The following ACTR8 variants were observed in gnomAD, a reference collection of about 807,000 sequenced individuals.
The protein encoded by ACTR8 is actin-related protein 8.
Under a neutral mutation model 84.3 loss-of-function variants are expected in ACTR8, and 70 were observed. That is an observed-to-expected ratio of 0.83 (90% confidence interval 0.68 to 1.01). The LOEUF is 1.01. Ranked by LOEUF, ACTR8 falls within the 50% of genes least tolerant of loss-of-function variation. ACTR8 has a pLI of 0.00. For missense variants in ACTR8, 672 were observed against 775.4 expected (o/e 0.87, Z 1.58); for synonymous variants, 268 against 275.2 (o/e 0.97, Z 0.26).
In ACTR8 at chr3:53,880,126, T is replaced by C. The variant is rs369087338; in HGVS notation, c.124-17A>G. On this transcript the variant is annotated splice_polypyrimidine_tract_variant and intron_variant, in intron 1 of 12. Transcript: ENST00000335754. ...CTGGATTTGCTGCAGATATAAAACA[T>C]AGATGTGTGACTTTGTAAATAATAT... is the stretch of plus-strand genomic sequence containing the variant. 56 of 1,606,386 alleles carry C rather than the reference T, an allele frequency of 3.5e-5. No homozygotes were observed. Among genetic ancestry groups the C allele is most frequent in the Non-Finnish European group, 4.4e-5 (52 of 1,173,856 alleles).
chr3:53,874,285 C>G lies in ACTR8; in HGVS notation c.991G>C (p.Glu331Gln). 6.2e-7 allele frequency: 1 copy of G among 1,614,148 alleles called. No homozygotes were observed. The highest frequency in any genetic ancestry group is 1.1e-5 in the South Asian group (1 of 91,082). ...TCCATTTTATTTGTTAACTGGCATT[C>G]TCTGTAAGGGAACCCAGCTCGCTGC... Reference protein sequence around the residue: ...LMQRAGFPYRECQLTNKMDCL... With the variant: ...LMQRAGFPYRQCQLTNKMDCL... The change falls in exon 8 of 13, where the codon GAA (glutamate) becomes CAA (glutamine). Residue 331 changes from glutamate to glutamine, a missense_variant. Glu to Gln is a conservative substitution (Grantham distance 29, BLOSUM62 2). Coordinates refer to ENST00000335754, the MANE Select transcript of ACTR8 (RefSeq NM_022899.5).
At chr3:53,878,941 G>A (rs1440613792) in intron 2 of ACTR8, among the ~76,000 whole-genome samples, 3 of 152,178 alleles carry the variant, frequency 2.0e-5, no homozygotes, top group African/African-American at 4.8e-5. Flanking sequence ...ATTTCTCACA[G>A]CACTAATCAA....
rs563160137 is a variant in ACTR8, at chr3:53,868,697, G to C, written c.*22C>G. 1 of 1,610,360 alleles carries C rather than the reference G, an allele frequency of 6.2e-7. No homozygotes were observed. Among genetic ancestry groups the C allele is most frequent in the African/African-American group, 1.3e-5 (1 of 74,750 alleles). The stretch of plus-strand genomic sequence containing the variant: ...ACCAAGAAGCTTGTTTTTGGTCTTC[G>C]GCAGTGACATTTCCTCCCCATTCAC... On this transcript the variant is annotated 3_prime_UTR_variant, in exon 13 of 13. Transcript: ENST00000335754.
rs1699811333 is a variant in ACTR8, at chr3:53,867,535, T to A, written c.*1184A>T. On this transcript the variant is annotated 3_prime_UTR_variant, in exon 13 of 13. Coordinates refer to ENST00000335754, the MANE Select transcript of ACTR8 (RefSeq NM_022899.5). ...TCCACATCCAGAGTTCTTTCTATATTCCCTTCTGATTTCCATCACTTATCT... is the reference window on the plus strand; with the variant it reads ...TCCACATCCAGAGTTCTTTCTATATACCCTTCTGATTTCCATCACTTATCT... The A allele has an allele frequency of 6.6e-6, 1 of 152,152 alleles. No individual in the cohort carries two copies. The highest frequency in any genetic ancestry group is 1.5e-5 in the Non-Finnish European group (1 of 68,048). 9.4% of individuals were successfully genotyped at this position (152,152 alleles called of 1,614,324 possible). A position where few individuals can be genotyped will look rare whatever the true frequency, so the allele number is the denominator to read the frequency against.
chr3:53,877,541 G>A (rs954795726), intron 4 of ACTR8, 106 bp downstream of exon 4: 2 of 1,342,292 alleles, frequency 1.5e-6, no homozygotes, highest in Non-Finnish European at 2.1e-6. Flanking sequence ...TCAAAGCAGG[G>A]TTATAGAACG....
At chr3:53,865,068 C>A (rs747392178), downstream of ACTR8, 1 of 1,614,006 alleles carries the variant, frequency 6.2e-7, no homozygotes, top group Admixed American at 1.7e-5. Context: ...AAGACCTCTT[C>A]CCCCTTGCCT....
intron 7 of ACTR8, 148 bp from the exon 8 acceptor site, chr3:53,874,512 G>A: frequency 1.3e-6 from 1 of 752,242 alleles, no homozygotes; most frequent in South Asian, 2.3e-5. Flanking sequence ...ATCACTTGAG[G>A]CCAGGAGTTC....
Position 53,870,107 on chromosome 3 carries a change from G to T in ACTR8, c.1606C>A (p.Leu536Ile). The T allele has an allele frequency of 6.2e-7, 1 of 1,614,150 alleles. No homozygotes were observed. The highest frequency in any genetic ancestry group is 8.5e-7 in the Non-Finnish European group (1 of 1,180,018). ...AACATCAAACCACCTCCCACCACTA[G>T]GATGGAGCTGTACATCTTCTTTTTG... ...DTKKKMYSSI[L>I]VVGGGLMFHK... Residue 536 changes from leucine to isoleucine, a missense_variant, in exon 12 of 13, where the codon CTA (leucine) becomes ATA (isoleucine). Coordinates refer to ENST00000335754, the MANE Select transcript of ACTR8 (RefSeq NM_022899.5). This position sits in a 1 kb window ranked among gnomAD's most constrained non-coding sequence, Gnocchi z 4.1.
Position 53,868,596 on chromosome 3 carries a change from AT to A in ACTR8, c.*122del. 7.1e-7 allele frequency: 1 copy of A among 1,411,870 alleles called. No individual in the cohort carries two copies. The highest frequency in any genetic ancestry group is 1.5e-5 in the South Asian group (1 of 68,228). The allele number at this position is 1,411,870 out of a possible 1,614,324, so 87.5% of individuals were successfully genotyped here. On this transcript the variant is annotated 3_prime_UTR_variant, in exon 13 of 13. Transcript: ENST00000335754. Reference sequence around the variant, plus strand: ...GTCATGTCCTCAACATAAAGTTCAAATTCATTTACTGTCCATGACACTTAAG... The same window carrying A: ...GTCATGTCCTCAACATAAAGTTCAAATCATTTACTGTCCATGACACTTAAG...
rs768992444 is a variant in ACTR8, at chr3:53,878,792, C to G, written c.295-325G>C. Among the ~76,000 whole-genome samples the G allele has an allele frequency of 3.3e-5, 5 of 152,130 alleles. No homozygotes were observed. In the South Asian group the frequency reaches 1.0e-3, roughly 32 times the overall value. ...TGAGCCGAGATCGCACCACTGTACT[C>G]CAGCCTGAAGAAGAGAGCAAGACCC... On this transcript the variant is annotated intron_variant, in intron 2 of 12. Coordinates refer to ENST00000335754, the MANE Select transcript of ACTR8 (RefSeq NM_022899.5).
chr3:53,872,345 G>A (rs915417837), intron 10 of ACTR8, 39 bp downstream of exon 10: 2 of 1,520,138 alleles, frequency 1.3e-6, no homozygotes, highest in Non-Finnish European at 1.8e-6. Flanking sequence ...CTCCTTCAGG[G>A]ACAAAACTCT....
Position 53,876,015 on chromosome 3 carries a change from C to T in ACTR8, c.844G>A (p.Val282Ile), listed in dbSNP as rs191702927. 1.2e-6 allele frequency: 2 copies of T among 1,614,036 alleles called. No homozygotes were observed. Among genetic ancestry groups the T allele is most frequent in the East Asian group, 4.5e-5 (2 of 44,882 alleles). ...YGSGLSSTCI[V>I]DVGDQKTSVC... Reference sequence around the variant, plus strand: ...CTTGTCTTCTGGTCCCCAACGTCTACAATACACGTGCTGCTTAAGCCACTT... The same window carrying T: ...CTTGTCTTCTGGTCCCCAACGTCTATAATACACGTGCTGCTTAAGCCACTT... Residue 282 changes from valine to isoleucine, a missense_variant, in exon 7 of 13, where the codon GTA (valine) becomes ATA (isoleucine). Val to Ile is a conservative substitution (Grantham distance 29). Transcript: ENST00000335754.
At position 53,874,194 on chromosome 3, in the gene ACTR8, ATTG is replaced by A; in HGVS notation, c.1065+14_1065+16del. 1.3e-6 allele frequency: 2 copies of A among 1,593,852 alleles called. No individual in the cohort carries two copies. The highest frequency in any genetic ancestry group is 1.7e-6 in the Non-Finnish European group (2 of 1,173,864). ...CCTAGAAACAAAAATAATCAGCAATATTGATTCTGCTCCCACCTGATCTAAATG... is the reference window on the plus strand; with the variant it reads ...CCTAGAAACAAAAATAATCAGCAATAATTCTGCTCCCACCTGATCTAAATG... On this transcript the variant is annotated intron_variant, in intron 8 of 12. Coordinates refer to ENST00000335754, the MANE Select transcript of ACTR8 (RefSeq NM_022899.5).
At chr3:53,869,662 AG>A (rs1391947235) in intron 12 of ACTR8, among the ~76,000 whole-genome samples, 1 of 152,218 alleles carries the variant, frequency 6.6e-6, no homozygotes, top group Non-Finnish European at 1.5e-5. Flanking sequence ...AATATAAAAA[AG>A]AGATTAAAAT....
chr3:53,873,631 T>C (rs1330462717), intron 8 of ACTR8, among the ~76,000 whole-genome samples: 1 of 152,218 alleles, frequency 6.6e-6, no homozygotes, highest in African/African-American at 2.4e-5. Flanking sequence ...TAAAGGTTTA[T>C]CTTCATCTTT....
downstream of ACTR8, chr3:53,864,905 A>C: frequency 6.2e-7 from 1 of 1,614,250 alleles, no homozygotes; most frequent in Non-Finnish European, 8.5e-7. Context: ...GAAAAGTGGC[A>C]GAAAAAGAAA....
At chr3:53,878,592 CT>C (rs1700010713) in intron 2 of ACTR8, 125 bp from the exon 3 acceptor site, 1 of 676,064 alleles carries the variant, frequency 1.5e-6, no homozygotes, top group Admixed American at 2.6e-5. Context: ...TTTCCTTAAT[CT>C]TTATCACATG....
downstream of ACTR8, among the ~76,000 whole-genome samples, chr3:53,864,535 CA>C (rs1043498703): frequency 3.3e-4 from 46 of 139,546 alleles, no homozygotes; most frequent in Admixed American, 4.3e-4. Context: ...ACTATGTCTC[CA>C]AAAAAAAAAA....
At chr3:53,862,326 CTA>C (rs1365439985), downstream of ACTR8, among the ~76,000 whole-genome samples, 1 of 152,184 alleles carries the variant, frequency 6.6e-6, no homozygotes, top group Non-Finnish European at 1.5e-5. Flanking sequence ...ATTGTCAACA[CTA>C]TGGACGAGAA....
Sources: gnomAD v4.1 joint callset for allele counts (sites outside exome capture counted in the v4.1 genomes callset) on GRCh38, gnomAD v4.1.1 for gene constraint, Gnocchi (gnomAD v3.1) non-coding constraint, MANE v1.5 for transcripts, NCBI Gene and HGNC (gene_info 2026-07-23, HGNC 2026-07-21) for gene names.